The following ZBBX variants were observed in gnomAD, a reference collection of about 807,000 sequenced individuals.
The protein encoded by ZBBX is zinc finger B-box domain containing, also known as zinc finger B-box domain-containing protein 1.
In ZBBX, 101 loss-of-function variants were observed where a neutral mutation model predicts 108.5. That is an observed-to-expected ratio of 0.93 (90% CI 0.79 to 1.10). ZBBX has a LOEUF of 1.10. ZBBX is among the 50% of genes least tolerant of loss of function. The pLI is 0.00. For missense variants in ZBBX, 1,009 were observed against 941.4 expected, an observed-to-expected ratio of 1.07 and a Z score of -0.94; for synonymous variants, 356 against 323.4, an observed-to-expected ratio of 1.10 and a Z score of -1.08.
At chr3:167,191,859 GT>G in the ZBBX span, among the ~76,000 whole-genome samples, 7 of 130,602 alleles carry the variant, frequency 5.4e-5, 1 homozygote, top group Middle Eastern at 0.03. Context: ...TTTAGTGAAT[GT>G]TTTTGCAATG....
intron 9 of ZBBX, among the ~76,000 whole-genome samples, chr3:167,348,091 C>A (rs781240441): frequency 5.3e-5 from 8 of 151,590 alleles, no homozygotes; most frequent in Non-Finnish European, 1.0e-4. Flanking sequence ...TACCAACCTT[C>A]CCTCCTCTGC....
chr3:167,403,214 G>A (rs934716079), intron 1 of ZBBX, among the ~76,000 whole-genome samples: 1 of 152,098 alleles, frequency 6.6e-6, no homozygotes, highest in Non-Finnish European at 1.5e-5. Flanking sequence ...AATGCATCAT[G>A]TAAGAGGGAG....
intron 9 of ZBBX, among the ~76,000 whole-genome samples, chr3:167,337,701 C>G (rs929679132): frequency 6.6e-6 from 1 of 152,014 alleles, no homozygotes; most frequent in African/African-American, 2.4e-5. Flanking sequence ...TAATCTTTGT[C>G]TTTTCTTAAA....
At chr3:167,335,238 C>T (rs907933912) in intron 9 of ZBBX, among the ~76,000 whole-genome samples, 4 of 151,588 alleles carry the variant, frequency 2.6e-5, no homozygotes, top group East Asian at 1.9e-4. Context: ...AAATAGCATA[C>T]GGTAAAAATA....
At chr3:167,315,900 T>C (rs969392300) in intron 14 of ZBBX, 71 bp from the exon 15 acceptor site, 3 of 916,026 alleles carry the variant, frequency 3.3e-6, no homozygotes, top group Non-Finnish European at 5.0e-6. Context: ...AACTTACTTA[T>C]GGGTGATATT....
rs766041307 is a variant in ZBBX at position 167,315,754 on chromosome 3, G to A, written c.1270C>T (p.Arg424Ter). ...KVKLADADSQ[R>*]SCAFHDCQKN... is the part of the protein sequence containing the mutation. ...AGTTAATTAGAAAGGTTTTACCTTC[G>A]TTGACTGTCTGCATCAGCTAATTTA... Residue 424 changes from arginine to a stop codon, truncating the protein, a stop_gained, in exon 15 of 22, where the codon CGA becomes TGA. Coordinates refer to ENST00000675490, the MANE Select transcript of ZBBX (RefSeq NM_001199201.2). LOFTEE classifies it high-confidence loss of function. 108 of 1,605,460 alleles carry A rather than the reference G, an allele frequency of 6.7e-5. 1 individual carries two copies. The highest frequency in any genetic ancestry group is 8.3e-5 in the Non-Finnish European group (98 of 1,175,132).
chr3:167,402,524 T>C (rs915219900), intron 1 of ZBBX, among the ~76,000 whole-genome samples: 53 of 152,184 alleles, frequency 3.5e-4, no homozygotes, highest in Non-Finnish European at 2.1e-4. Flanking sequence ...ATTTTTCTTC[T>C]ATACTTAATT....
chr3:167,286,782 G>A (rs1402255160), intron 19 of ZBBX, among the ~76,000 whole-genome samples: 2 of 152,126 alleles, frequency 1.3e-5, no homozygotes, highest in Non-Finnish European at 2.9e-5. Flanking sequence ...GGATTAAGTT[G>A]TGGCAGGGAT....
chr3:167,318,844 C>T (rs1443397907), intron 12 of ZBBX, among the ~76,000 whole-genome samples: 3 of 151,856 alleles, frequency 2.0e-5, no homozygotes, highest in African/African-American at 2.4e-5. Flanking sequence ...ACAGCCTGGA[C>T]ATTAGTTATA....
the ZBBX span, among the ~76,000 whole-genome samples, chr3:167,223,465 CAG>C: frequency 3.9e-5 from 6 of 152,050 alleles, no homozygotes; most frequent in Admixed American, 3.3e-4. Flanking sequence ...GATTTTGTGT[CAG>C]AGTCTTAAAG....
intron 20 of ZBBX, among the ~76,000 whole-genome samples, chr3:167,244,157 T>C (rs1721167954): frequency 6.6e-6 from 1 of 152,208 alleles, no homozygotes; most frequent in Non-Finnish European, 1.5e-5. Context: ...CACACGGCCA[T>C]ATAGTGGAAG....
chr3:167,263,818 G>A (rs893915945), intron 20 of ZBBX, among the ~76,000 whole-genome samples: 1 of 152,162 alleles, frequency 6.6e-6, no homozygotes, highest in Non-Finnish European at 1.5e-5. Flanking sequence ...GTGGAGTGTT[G>A]AAGTCTCCAG....
intron 20 of ZBBX, among the ~76,000 whole-genome samples, chr3:167,251,554 A>G (rs1451864936): frequency 6.6e-6 from 1 of 152,052 alleles, no homozygotes; most frequent in Non-Finnish European, 1.5e-5. Flanking sequence ...GGGACGGGGG[A>G]TCCTTTCCGG....
intron 20 of ZBBX, among the ~76,000 whole-genome samples, chr3:167,251,533 G>A (rs949419460): frequency 2.6e-5 from 4 of 152,230 alleles, no homozygotes; most frequent in East Asian, 3.9e-4. Flanking sequence ...CCCATCGCAC[G>A]CCCTGTGAGG....
chr3:167,283,464 C>T (rs1224780034), intron 19 of ZBBX, among the ~76,000 whole-genome samples: 1 of 152,038 alleles, frequency 6.6e-6, no homozygotes, highest in Non-Finnish European at 1.5e-5. Flanking sequence ...CACAAACTGG[C>T]TTTGTAAAAC....
intron 9 of ZBBX, among the ~76,000 whole-genome samples, chr3:167,350,111 C>T (rs1742370355): frequency 6.6e-6 from 1 of 151,914 alleles, no homozygotes; most frequent in African/African-American, 2.4e-5. Context: ...CCTATGTGTT[C>T]ATTTGAAATC....
chr3:167,265,186 G>A (rs1234736271), intron 20 of ZBBX, among the ~76,000 whole-genome samples: 1 of 152,142 alleles, frequency 6.6e-6, no homozygotes, highest in African/African-American at 2.4e-5. Flanking sequence ...CTGAGAATGT[G>A]CTGGGTCTCC....
intron 4 of ZBBX, among the ~76,000 whole-genome samples, chr3:167,370,336 TAA>T (rs1404596591): frequency 0.021 from 3,165 of 152,224 alleles, 70 homozygotes; most frequent in East Asian, 0.11. Flanking sequence ...AAATCTAAAA[TAA>T]TCCCATGTTT....
At chr3:167,187,962 T>C in the ZBBX span, among the ~76,000 whole-genome samples, 8 of 152,182 alleles carry the variant, frequency 5.3e-5, no homozygotes, top group African/African-American at 1.9e-4. Flanking sequence ...TGGCTTAAAC[T>C]AGCAAACCCT....
Sources: gnomAD v4.1 joint callset for allele counts (sites outside exome capture counted in the v4.1 genomes callset) on GRCh38, gnomAD v4.1.1 for gene constraint, MANE v1.5 for transcripts, NCBI Gene and HGNC (gene_info 2026-07-23, HGNC 2026-07-21) for gene names.